The following GALNT8 variants were observed in gnomAD, a reference collection of about 807,000 sequenced individuals.
The protein encoded by GALNT8 is probable polypeptide N-acetylgalactosaminyltransferase 8.
In GALNT8, 66 loss-of-function variants were observed where a neutral mutation model predicts 62.7. The ratio of observed to expected loss-of-function variants is 1.05; its 90% CI spans 0.86 to 1.29. GALNT8 has a LOEUF of 1.29. GALNT8 is among the 50% of genes most tolerant of loss of function. The pLI is 0.00. For missense variants in GALNT8, 771 were observed against 791.8 expected (o/e 0.97, Z 0.32); for synonymous variants, 288 against 294.3 (o/e 0.98, Z 0.22).
chr12:4,722,677 C>T (rs149524298), intron 1 of GALNT8, among the ~76,000 whole-genome samples: 54 of 152,204 alleles, frequency 3.5e-4, no homozygotes, highest in Non-Finnish European at 6.5e-4. Context: ...TGCTGGAACC[C>T]CATAGGGAGG....
At chr12:4,728,880 A>G (rs890462141) in intron 2 of GALNT8, among the ~76,000 whole-genome samples, 3 of 152,064 alleles carry the variant, frequency 2.0e-5, no homozygotes, top group Non-Finnish European at 4.4e-5. Context: ...TAGTTTGTCA[A>G]TTTCTGCAAA....
rs1018690532 is a variant in GALNT8 at position 4,749,415 on chromosome 12, C to G, written c.1173+3157C>G. ...TTTTCAGCGTCAATTGAAATGATCA[C>G]ATGGTTTTTGTCTTTCATCCTGTTA... On this transcript the variant is annotated intron_variant, in intron 6 of 10. Transcript: ENST00000252318. This position sits in a 1 kb window ranked among gnomAD's most constrained non-coding sequence, Gnocchi z 4.1. Among the ~76,000 whole-genome samples, 6 of 152,222 alleles carry G rather than the reference C, an allele frequency of 3.9e-5. No homozygotes were observed. Among genetic ancestry groups the G allele is most frequent in the African/African-American group, 2.4e-5 (1 of 41,566 alleles).
chr12:4,737,531 GT>G (rs1373536188), intron 2 of GALNT8, among the ~76,000 whole-genome samples: 1 of 152,154 alleles, frequency 6.6e-6, no homozygotes, highest in African/African-American at 2.4e-5. Flanking sequence ...AGATTATTCT[GT>G]TTTTCTTAAC....
chr12:4,770,996 G>T (rs1013501157), intron 10 of GALNT8, among the ~76,000 whole-genome samples: 1 of 152,218 alleles, frequency 6.6e-6, no homozygotes. Flanking sequence ...GGCTGCTGGC[G>T]GGTGAGGCGG....
At chr12:4,740,251 T>A (rs1184336943) in intron 3 of GALNT8, among the ~76,000 whole-genome samples, 1 of 152,102 alleles carries the variant, frequency 6.6e-6, no homozygotes, top group Non-Finnish European at 1.5e-5. Flanking sequence ...AATCCCGGCT[T>A]CTCCTTTGTA....
At chr12:4,769,261 A>G (rs1171686003) in intron 10 of GALNT8, among the ~76,000 whole-genome samples, 1 of 152,156 alleles carries the variant, frequency 6.6e-6, no homozygotes, top group Non-Finnish European at 1.5e-5. Context: ...GGAAGTGGGG[A>G]GGGAGTGCTC....
intron 6 of GALNT8, among the ~76,000 whole-genome samples, chr12:4,747,864 A>G (rs991269678): frequency 6.6e-6 from 1 of 152,034 alleles, no homozygotes; most frequent in African/African-American, 2.4e-5. Context: ...CCTTTTCTCC[A>G]CATCCTCTCC....
In GALNT8 at chr12:4,726,911, G is replaced by C; in HGVS notation, c.509+82G>C. 8.5e-7 allele frequency: 1 copy of C among 1,178,442 alleles called. No homozygotes were observed. Among genetic ancestry groups the C allele is most frequent in the Middle Eastern group, 3.0e-4 (1 of 3,380 alleles). 73.0% of individuals were successfully genotyped at this position (1,178,442 alleles called of 1,614,324 possible). A position where few individuals can be genotyped will look rare whatever the true frequency, so the allele number is the denominator to read the frequency against. ...TTGGGAGCAGTGAACATTGAAGGCTGGGGGAGTGGGGGATTGTTGGGGAAG... is the reference window on the plus strand; with the variant it reads ...TTGGGAGCAGTGAACATTGAAGGCTCGGGGAGTGGGGGATTGTTGGGGAAG... On this transcript the variant is annotated intron_variant, in intron 2 of 10. Coordinates refer to ENST00000252318, the MANE Select transcript of GALNT8 (RefSeq NM_017417.2). This position sits in a 1 kb window ranked among gnomAD's most constrained non-coding sequence, Gnocchi z 4.1.
intron 1 of GALNT8, among the ~76,000 whole-genome samples, chr12:4,724,131 A>G (rs1946183769): frequency 1.4e-5 from 2 of 139,526 alleles, no homozygotes; most frequent in South Asian, 5.2e-4. Flanking sequence ...CCCGGGTGAC[A>G]GAGCGAGACT....
chr12:4,753,196 T>C (rs901076824), intron 6 of GALNT8, among the ~76,000 whole-genome samples: 5 of 152,242 alleles, frequency 3.3e-5, no homozygotes, highest in Admixed American at 6.5e-5. Context: ...TACTTGGACA[T>C]TGATATCTTT....
chr12:4,724,124 G>A (rs528435837), intron 1 of GALNT8, among the ~76,000 whole-genome samples: 3 of 143,002 alleles, frequency 2.1e-5, no homozygotes, highest in Admixed American at 7.1e-5. Flanking sequence ...ACTCCAGCCC[G>A]GGTGACAGAG....
chr12:4,733,682 C>T (rs992655539), intron 2 of GALNT8, among the ~76,000 whole-genome samples: 7 of 152,360 alleles, frequency 4.6e-5, no homozygotes, highest in African/African-American at 1.4e-4. Flanking sequence ...TAAAGTTCAT[C>T]TCTGCCAGGC....
chr12:4,723,769 T>C (rs111867546), intron 1 of GALNT8, among the ~76,000 whole-genome samples: 215 of 150,536 alleles, frequency 1.4e-3, no homozygotes, highest in African/African-American at 4.3e-3. Flanking sequence ...TTTTTTTTTT[T>C]CCACAGAGCT....
chr12:4,750,686 C>T (rs1057258638), intron 6 of GALNT8, among the ~76,000 whole-genome samples: 1 of 152,008 alleles, frequency 6.6e-6, no homozygotes, highest in African/African-American at 2.4e-5. Context: ...TGGGTATATA[C>T]CCAGTAAAGG....
intron 2 of GALNT8, among the ~76,000 whole-genome samples, chr12:4,734,550 C>T (rs1416097017): frequency 4.6e-5 from 7 of 151,998 alleles, no homozygotes; most frequent in Non-Finnish European, 1.0e-4. Context: ...ATCTTCCTTT[C>T]GCTTCTTTCT....
At chr12:4,734,753 C>T (rs796084959) in intron 2 of GALNT8, among the ~76,000 whole-genome samples, 3 of 152,150 alleles carry the variant, frequency 2.0e-5, no homozygotes, top group African/African-American at 7.2e-5. Context: ...TCCTAGCTTC[C>T]AATGTCCAGC....
intron 3 of GALNT8, among the ~76,000 whole-genome samples, chr12:4,742,432 A>G (rs1327374572): frequency 2.6e-5 from 4 of 152,244 alleles, no homozygotes; most frequent in South Asian, 2.1e-4. Context: ...ACAATCAACA[A>G]CTACATGTTG....
rs753861551 is a variant in GALNT8 at position 4,746,140 on chromosome 12, G to C, written c.1059-4G>C. Reference sequence around the variant, plus strand: ...ATTAGTGACTCTTGCTGTGTGCTCTGTAGGAGTCCTTCAATCATGGGCATC... The same window carrying C: ...ATTAGTGACTCTTGCTGTGTGCTCTCTAGGAGTCCTTCAATCATGGGCATC... On this transcript the variant is annotated splice_region_variant and splice_polypyrimidine_tract_variant and intron_variant, in intron 5 of 10. Transcript: ENST00000252318. 2 of 1,553,058 alleles carry C rather than the reference G, an allele frequency of 1.3e-6. No individual in the cohort carries two copies. The highest frequency in any genetic ancestry group is 1.4e-5 in the African/African-American group (1 of 73,718).
At chr12:4,720,997 C>T in intron 1 of GALNT8, 109 bp downstream of exon 1, 2 of 685,220 alleles carry the variant, frequency 2.9e-6, no homozygotes, top group Non-Finnish European at 2.6e-6. Context: ...ACATTTTCAT[C>T]TCAGTCGCTC....
Sources: gnomAD v4.1 joint callset for allele counts (sites outside exome capture counted in the v4.1 genomes callset) on GRCh38, gnomAD v4.1.1 for gene constraint, Gnocchi (gnomAD v3.1) non-coding constraint, MANE v1.5 for transcripts, NCBI Gene and HGNC (gene_info 2026-07-23, HGNC 2026-07-21) for gene names.